SOD3: variants seen among roughly 807,000 people sequenced by gnomAD.
The protein encoded by SOD3 is extracellular superoxide dismutase [Cu-Zn].
A neutral mutation model predicts 2.6 loss-of-function variants in SOD3; 3 were observed. The ratio of observed to expected loss-of-function variants is 1.13; its 90% CI spans 0.52 to 2.93. The LOEUF is 2.93. SOD3 is among the 30% of genes most tolerant of loss of function. SOD3 has a pLI of 0.04. For missense variants in SOD3, 379 were observed against 370.4 expected, an observed-to-expected ratio of 1.02 and a Z score of -0.19; for synonymous variants, 188 against 177.5, an observed-to-expected ratio of 1.06 and a Z score of -0.47.
chr4:24,798,379 A>T (rs1303088209), intron 1 of SOD3, among the ~76,000 whole-genome samples: 4 of 151,856 alleles, frequency 2.6e-5, no homozygotes, highest in Non-Finnish European at 5.9e-5. Context: ...CCTGCTGGGA[A>T]CCCTGGTCAT....
At position 24,796,435 on chromosome 4, in the gene SOD3, C is replaced by CTTTTTTTTTTTTTT. The variant is rs34368349; in HGVS notation, c.-17+797_-17+810dup. 7.0e-5 allele frequency among the ~76,000 whole-genome samples: 5 copies of CTTTTTTTTTTTTTT among 71,938 alleles called. 1 individual carries two copies. In the East Asian group the frequency reaches 2.3e-3, roughly 33 times the overall value. The allele number at this position is 71,938 out of a possible 152,430, so 47.2% of individuals were successfully genotyped here. ...TTTTCCTCCTCCTCCTCCTTCTTCTCTTTTTTTTTTTTTTTTTTTTTTTTT... is the reference window on the plus strand; with the variant it reads ...TTTTCCTCCTCCTCCTCCTTCTTCTCTTTTTTTTTTTTTTTTTTTTTTTTTTTTTTTTTTTTTTT... On this transcript the variant is annotated intron_variant, in intron 1 of 1. Coordinates refer to ENST00000382120, the MANE Select transcript of SOD3 (RefSeq NM_003102.4).
Position 24,800,231 on chromosome 4 carries a change from G to A in SOD3, c.710G>A (p.Cys237Tyr). The A allele has an allele frequency of 7.1e-7, 1 of 1,409,652 alleles. No homozygotes were observed. The highest frequency in any genetic ancestry group is 9.2e-7 in the Non-Finnish European group (1 of 1,087,550). 87.3% of individuals were successfully genotyped at this position (1,409,652 alleles called of 1,614,324 possible). ...ERKKRRRESE[C>Y]KAA ...AAGAAGCGGCGGCGCGAGAGCGAGTGCAAGGCCGCCTGAGCGCGGCCCCCA... is the reference window on the plus strand; with the variant it reads ...AAGAAGCGGCGGCGCGAGAGCGAGTACAAGGCCGCCTGAGCGCGGCCCCCA... The change falls in exon 2 of 2, where the codon TGC becomes TAC. Residue 237 changes from cysteine (C) to tyrosine (Y), a missense_variant. Cys to Tyr is a radical substitution (Grantham distance 194). Transcript: ENST00000382120.
chr4:24,798,401 C>T (rs1713734463), intron 1 of SOD3, among the ~76,000 whole-genome samples: 1 of 152,130 alleles, frequency 6.6e-6, no homozygotes, highest in African/African-American at 2.4e-5. Flanking sequence ...TGCACTGTGC[C>T]TTCATCTTCC....
In SOD3 at chr4:24,799,784, C is replaced by A; in HGVS notation, c.263C>A (p.Ala88Glu). 1 of 1,580,464 alleles carries A rather than the reference C, an allele frequency of 6.3e-7. No homozygotes were observed. The highest frequency in any genetic ancestry group is 1.7e-4 in the Middle Eastern group (1 of 6,020). ...VTGVVLFRQL[A>E]PRAKLDAFFA... The stretch of plus-strand genomic sequence containing the variant: ...GGCGTCGTCCTCTTCCGGCAGCTTG[C>A]GCCCCGCGCCAAGCTCGACGCCTTC... The change falls in exon 2 of 2, where the codon GCG becomes GAG. Residue 88 changes from alanine to glutamate, a missense_variant. Transcript: ENST00000382120.
chr4:24,800,070 C>G lies in SOD3; in HGVS notation c.549C>G (p.Gly183=). 1 of 1,433,312 alleles carries G rather than the reference C, an allele frequency of 7.0e-7. No individual in the cohort carries two copies. The highest frequency in any genetic ancestry group is 9.0e-7 in the Non-Finnish European group (1 of 1,105,088). 88.8% of individuals were successfully genotyped at this position (1,433,312 alleles called of 1,614,324 possible). The change falls in exon 2 of 2, where the codon GGC becomes GGG. Residue 183 remains glycine, a synonymous_variant. Transcript: ENST00000382120. The stretch of plus-strand genomic sequence containing the variant: ...GCCGGGCCGTGGTCGTCCACGCTGG[C>G]GAGGACGACCTGGGCCGCGGCGGCA... The part of the protein sequence containing the change: ...IVGRAVVVHA[G]EDDLGRGGNQ...
intron 1 of SOD3, among the ~76,000 whole-genome samples, chr4:24,798,618 T>C (rs1021352676): frequency 3.3e-5 from 5 of 152,100 alleles, no homozygotes; most frequent in Non-Finnish European, 5.9e-5. Context: ...GTCCAACCCA[T>C]ATCCTTTTAC....
intron 1 of SOD3, 38 bp from the exon 2 acceptor site, chr4:24,799,468 C>A: frequency 6.3e-7 from 1 of 1,584,934 alleles, no homozygotes; most frequent in South Asian, 1.1e-5. Flanking sequence ...CGTGACTAAG[C>A]CTCACTCTGC....
At position 24,799,997 on chromosome 4, in the gene SOD3, A is replaced by G. The variant is rs1162231892; in HGVS notation, c.476A>G (p.Tyr159Cys). The G allele has an allele frequency of 1.3e-6, 2 of 1,571,390 alleles. No homozygotes were observed. Among genetic ancestry groups the G allele is most frequent in the Non-Finnish European group, 1.7e-6 (2 of 1,167,644 alleles). ...FAVRDGSLWR[Y>C]RAGLAASLAG... Reference sequence around the variant, plus strand: ...GTCCGCGACGGCAGCCTCTGGAGGTACCGCGCCGGCCTGGCCGCCTCGCTC... The same window carrying G: ...GTCCGCGACGGCAGCCTCTGGAGGTGCCGCGCCGGCCTGGCCGCCTCGCTC... The change falls in exon 2 of 2, where the codon TAC becomes TGC. Residue 159 changes from tyrosine to cysteine, a missense_variant. Tyr to Cys is a radical substitution (Grantham distance 194). Coordinates refer to ENST00000382120, the MANE Select transcript of SOD3 (RefSeq NM_003102.4).
In SOD3 at chr4:24,799,042, G is replaced by A. The variant is rs368892083; in HGVS notation, c.-16-464G>A. On this transcript the variant is annotated intron_variant, in intron 1 of 1. Transcript: ENST00000382120. ...TACTGAGTGTAGCAGAGAACAGGGA[G>A]AAGGCACTTCAGGGAGAAGGCGTAG... Among the ~76,000 whole-genome samples, 13 of 152,342 alleles carry A rather than the reference G, an allele frequency of 8.5e-5. No individual in the cohort carries two copies. The East Asian group carries it at 1.9e-3, about 23-fold the overall frequency.
intron 1 of SOD3, among the ~76,000 whole-genome samples, chr4:24,797,160 A>C (rs1713689751): frequency 4.4e-5 from 1 of 22,662 alleles, no homozygotes; most frequent in Non-Finnish European, 1.0e-4. Flanking sequence ...TGGTCCTTAA[A>C]ATCTCTACCA....
chr4:24,800,212 C>G lies in SOD3; in HGVS notation c.691C>G (p.Arg231Gly), dbSNP rs1799895. Reference sequence around the variant, plus strand: ...GCGGGAGCACTCAGAGCGCAAGAAGCGGCGGCGCGAGAGCGAGTGCAAGGC... The same window carrying G: ...GCGGGAGCACTCAGAGCGCAAGAAGGGGCGGCGCGAGAGCGAGTGCAAGGC... ...QAREHSERKK[R>G]RRESECKAA The change falls in exon 2 of 2, where the codon CGG (arginine) becomes GGG (glycine). Residue 231 changes from arginine to glycine, a missense_variant. Transcript: ENST00000382120. 0.015 allele frequency: 22,076 copies of G among 1,431,336 alleles called. 312 individuals are homozygous for G. The highest frequency in any genetic ancestry group is 0.057 in the South Asian group (3,892 of 68,408). The allele number at this position is 1,431,336 out of a possible 1,614,324, so 88.7% of individuals were successfully genotyped here.
chr4:24,797,931 A>G (rs1713718204), intron 1 of SOD3, among the ~76,000 whole-genome samples: 2 of 151,990 alleles, frequency 1.3e-5, no homozygotes, highest in Non-Finnish European at 2.9e-5. Context: ...AGCATCAGTA[A>G]CCCCGTGAAG....
chr4:24,799,511 C>G lies in SOD3; in HGVS notation c.-11C>G. On this transcript the variant is annotated 5_prime_UTR_variant, in exon 2 of 2. Transcript: ENST00000382120. ...TCCGCGGGGGCGTCCCGCAGGTGCCCGACTCCAGCCATGCTGGCGCTACTG... is the reference window on the plus strand; with the variant it reads ...TCCGCGGGGGCGTCCCGCAGGTGCCGGACTCCAGCCATGCTGGCGCTACTG... 1 of 1,597,154 alleles carries G rather than the reference C, an allele frequency of 6.3e-7. No individual in the cohort carries two copies. The highest frequency in any genetic ancestry group is 8.5e-7 in the Non-Finnish European group (1 of 1,178,616).
At position 24,800,189 on chromosome 4, in the gene SOD3, G is replaced by T. The variant is rs1173432608; in HGVS notation, c.668G>T (p.Arg223Leu). 2.1e-6 allele frequency: 3 copies of T among 1,429,728 alleles called. No individual in the cohort carries two copies. The highest frequency in any genetic ancestry group is 1.5e-5 in the African/African-American group (1 of 66,868). The allele number at this position is 1,429,728 out of a possible 1,614,324, so 88.6% of individuals were successfully genotyped here. The change falls in exon 2 of 2, where the codon CGG becomes CTG. Residue 223 changes from arginine to leucine, a missense_variant. Physicochemically the swap from Arg to Leu is moderately radical, Grantham distance 102 (BLOSUM62 -2). Coordinates refer to ENST00000382120, the MANE Select transcript of SOD3 (RefSeq NM_003102.4). ...CCCGGGCTCTGGGAGCGCCAGGCGCGGGAGCACTCAGAGCGCAAGAAGCGG... is the reference window on the plus strand; with the variant it reads ...CCCGGGCTCTGGGAGCGCCAGGCGCTGGAGCACTCAGAGCGCAAGAAGCGG... ...CGPGLWERQA[R>L]EHSERKKRRR...
Position 24,799,877 on chromosome 4 carries a change from G to C in SOD3, c.356G>C (p.Gly119Ala), listed in dbSNP as rs1417207681. 1 of 1,602,664 alleles carries C rather than the reference G, an allele frequency of 6.2e-7. No homozygotes were observed. Among genetic ancestry groups the C allele is most frequent in the African/African-American group, 1.3e-5 (1 of 74,722 alleles). Reference protein sequence around the residue: ...SSRAIHVHQFGDLSQGCESTG... With the variant: ...SSRAIHVHQFADLSQGCESTG... ...CGCGCCATCCACGTGCACCAGTTCG[G>C]GGACCTGAGCCAGGGCTGCGAGTCC... The change falls in exon 2 of 2, where the codon GGG becomes GCG. Residue 119 changes from glycine (G) to alanine (A), a missense_variant. Coordinates refer to ENST00000382120, the MANE Select transcript of SOD3 (RefSeq NM_003102.4).
intron 1 of SOD3, among the ~76,000 whole-genome samples, chr4:24,795,862 G>A (rs557800335): frequency 6.6e-6 from 1 of 152,238 alleles, no homozygotes; most frequent in Non-Finnish European, 1.5e-5. Flanking sequence ...CGTTCCTCCT[G>A]TGGATCTGCA....
Position 24,799,859 on chromosome 4 carries a change from T to C in SOD3, c.338T>C (p.Ile113Thr). Reference sequence around the variant, plus strand: ...GAGCCGAACAGCTCCAGCCGCGCCATCCACGTGCACCAGTTCGGGGACCTG... The same window carrying C: ...GAGCCGAACAGCTCCAGCCGCGCCACCCACGTGCACCAGTTCGGGGACCTG... The part of the protein sequence containing the change: ...PTEPNSSSRA[I>T]HVHQFGDLSQ... The change falls in exon 2 of 2, where the codon ATC becomes ACC. Residue 113 changes from isoleucine (I) to threonine (T), a missense_variant. Ile to Thr is a moderately conservative substitution (Grantham distance 89). Coordinates refer to ENST00000382120, the MANE Select transcript of SOD3 (RefSeq NM_003102.4). The C allele has an allele frequency of 6.2e-7, 1 of 1,602,904 alleles. No homozygotes were observed. Among genetic ancestry groups the C allele is most frequent in the Non-Finnish European group, 8.5e-7 (1 of 1,179,242 alleles).
At chr4:24,797,175 C>CT (rs11424153) in intron 1 of SOD3, among the ~76,000 whole-genome samples, 147,732 of 152,288 alleles carry the variant, frequency 0.97, 71,738 homozygotes, top group East Asian at 1. Context: ...CTACCAGCAG[C>CT]TCTCTCTGAT....
In SOD3 at chr4:24,799,786, C is replaced by A; in HGVS notation, c.265C>A (p.Pro89Thr). 1 of 1,583,142 alleles carries A rather than the reference C, an allele frequency of 6.3e-7. No homozygotes were observed. The highest frequency in any genetic ancestry group is 8.5e-7 in the Non-Finnish European group (1 of 1,171,218). ...CGTCGTCCTCTTCCGGCAGCTTGCG[C>A]CCCGCGCCAAGCTCGACGCCTTCTT... is the stretch of plus-strand genomic sequence containing the variant. ...TGVVLFRQLA[P>T]RAKLDAFFAL... Residue 89 changes from proline to threonine, a missense_variant, in exon 2 of 2, where the codon CCC becomes ACC. By Grantham distance (38) the Pro-to-Thr change is conservative (BLOSUM62 -1). Coordinates refer to ENST00000382120, the MANE Select transcript of SOD3 (RefSeq NM_003102.4).
Sources: allele counts gnomAD v4.1 joint callset (sites outside exome capture counted in the v4.1 genomes callset), GRCh38; gene constraint gnomAD v4.1.1; transcripts MANE v1.5; gene names NCBI Gene and HGNC (gene_info 2026-07-23, HGNC 2026-07-21).